The following SUGCT variants were observed in gnomAD, a reference collection of about 807,000 sequenced individuals.
SUGCT encodes succinyl-CoA:glutarate CoA-transferase.
A neutral mutation model predicts 55.0 loss-of-function variants in SUGCT; 41 were observed. That is an observed-to-expected ratio of 0.74 (90% CI 0.58 to 0.97). SUGCT has a LOEUF of 0.97. SUGCT is among the 50% of genes least tolerant of loss of function. SUGCT has a pLI of 0.00. For missense variants in SUGCT, 568 were observed against 547.8 expected (o/e 1.04, Z -0.37); for synonymous variants, 187 against 200.4 (o/e 0.93, Z 0.56).
intron 8 of SUGCT, among the ~76,000 whole-genome samples, chr7:40,279,792 G>A (rs1792831698): frequency 1.3e-5 from 2 of 151,948 alleles, no homozygotes; most frequent in Admixed American, 6.6e-5. Flanking sequence ...TGTAAATAAG[G>A]AGTGCTATTT....
chr7:40,838,461 C>T (rs762757359), intron 13 of SUGCT, among the ~76,000 whole-genome samples: 1 of 152,160 alleles, frequency 6.6e-6, no homozygotes, highest in Non-Finnish European at 1.5e-5. Context: ...TAATGTTCAG[C>T]ATACTTAAAA....
chr7:40,729,053 A>G (rs1786754468), intron 12 of SUGCT, among the ~76,000 whole-genome samples: 1 of 152,218 alleles, frequency 6.6e-6, no homozygotes, highest in African/African-American at 2.4e-5. Context: ...TCTAGAGCCT[A>G]CAGTCAGACA....
At chr7:40,426,767 A>G (rs2151379939) in intron 9 of SUGCT, among the ~76,000 whole-genome samples, 1 of 152,194 alleles carries the variant, frequency 6.6e-6, no homozygotes, top group South Asian at 2.1e-4. Flanking sequence ...GAAGTAGAAA[A>G]GAATATATAT....
chr7:40,927,159 G>A, the SUGCT span, among the ~76,000 whole-genome samples: 1 of 152,176 alleles, frequency 6.6e-6, no homozygotes, highest in Non-Finnish European at 1.5e-5. Context: ...TCTAAGATAT[G>A]CAAAGGAAAA....
intron 13 of SUGCT, among the ~76,000 whole-genome samples, chr7:40,756,361 A>G (rs1392114125): frequency 2.6e-5 from 4 of 152,204 alleles, no homozygotes; most frequent in Non-Finnish European, 4.4e-5. Context: ...TGGACTGGCT[A>G]CCTGCAGAAG....
At chr7:40,258,194 G>T (rs187435552) in intron 7 of SUGCT, among the ~76,000 whole-genome samples, 63 of 152,132 alleles carry the variant, frequency 4.1e-4, no homozygotes, top group African/African-American at 1.4e-3. Context: ...GACTCTTACA[G>T]TTTTCTTCTT....
chr7:40,206,912 A>G (rs1409457770), intron 6 of SUGCT, among the ~76,000 whole-genome samples: 1 of 152,200 alleles, frequency 6.6e-6, no homozygotes, highest in Non-Finnish European at 1.5e-5. Flanking sequence ...AAGAAAGACT[A>G]GTCTGGTCAG....
At chr7:40,451,632 C>T (rs1000727286) in intron 10 of SUGCT, among the ~76,000 whole-genome samples, 17 of 152,270 alleles carry the variant, frequency 1.1e-4, no homozygotes, top group Middle Eastern at 3.4e-3. Context: ...TTTATGTGTA[C>T]GGGATTCTTG....
rs139549528 is a variant in SUGCT, at chr7:40,811,705, G to A, written c.1154-48611G>A. 7.4e-4 allele frequency among the ~76,000 whole-genome samples: 112 copies of A among 152,040 alleles called. 1 individual carries two copies. The highest frequency in any genetic ancestry group is 2.6e-3 in the African/African-American group (108 of 41,464). On this transcript the variant is annotated intron_variant, in intron 13 of 13. Transcript: ENST00000335693. The stretch of plus-strand genomic sequence containing the variant: ...GGTTTTCTAGGTGTAGAATCATACC[G>A]TCCTTAAAGAGAGATAGTTTGACTA...
intron 12 of SUGCT, among the ~76,000 whole-genome samples, chr7:40,613,961 T>C (rs1258064924): frequency 6.6e-6 from 1 of 152,200 alleles, no homozygotes. Context: ...ACAGTTTGAA[T>C]TTTATTTTCA....
At chr7:40,440,145 G>GTTTTTTTTTTTTTTTTTTTTT (rs138984553) in intron 9 of SUGCT, among the ~76,000 whole-genome samples, 1 of 68,438 alleles carries the variant, frequency 1.5e-5, no homozygotes, top group African/African-American at 6.7e-5. Flanking sequence ...GTGTGTGTGT[G>GTTTTTTTTTTTTTTTTTTTTT]TTTTTTTTTT....
At chr7:40,219,122 C>T (rs532005939) in intron 6 of SUGCT, among the ~76,000 whole-genome samples, 4 of 152,250 alleles carry the variant, frequency 2.6e-5, no homozygotes, top group South Asian at 2.1e-4. Context: ...ACTCTGGACG[C>T]GCCACCTTTA....
intron 9 of SUGCT, among the ~76,000 whole-genome samples, chr7:40,371,252 C>T (rs1784282850): frequency 6.6e-6 from 1 of 152,040 alleles, no homozygotes; most frequent in Non-Finnish European, 1.5e-5. Context: ...TCAGTGACTA[C>T]AAAAGTTAAA....
At chr7:40,217,681 A>T (rs1562585160) in intron 6 of SUGCT, among the ~76,000 whole-genome samples, 1 of 152,168 alleles carries the variant, frequency 6.6e-6, no homozygotes, top group African/African-American at 2.4e-5. Context: ...AGTGGATGGG[A>T]CTGATGGAAA....
At position 40,287,639 on chromosome 7, in the gene SUGCT, C is replaced by T. The variant is rs116773067; in HGVS notation, c.720+12983C>T. Among the ~76,000 whole-genome samples, 539 of 152,056 alleles carry T rather than the reference C, an allele frequency of 3.5e-3. 3 individuals are homozygous for T. Among genetic ancestry groups the T allele is most frequent in the African/African-American group, 0.012 (495 of 41,482 alleles). Reference sequence around the variant, plus strand: ...AGCCCCCTGAGTGGCTTGGACTACACGCATATGCCATCATGCTCAGCTAAA... The same window carrying T: ...AGCCCCCTGAGTGGCTTGGACTACATGCATATGCCATCATGCTCAGCTAAA... On this transcript the variant is annotated intron_variant, in intron 8 of 13. Coordinates refer to ENST00000335693, the MANE Select transcript of SUGCT (RefSeq NM_001193313.2).
intron 9 of SUGCT, among the ~76,000 whole-genome samples, chr7:40,399,876 A>T (rs946142414): frequency 1.3e-5 from 2 of 151,986 alleles, no homozygotes; most frequent in African/African-American, 4.8e-5. Flanking sequence ...GGGTTTTTTT[A>T]AAAAATAGAT....
the SUGCT span, among the ~76,000 whole-genome samples, chr7:40,904,997 C>A: frequency 6.6e-6 from 1 of 152,124 alleles, no homozygotes; most frequent in Non-Finnish European, 1.5e-5. Flanking sequence ...TAAATAGTTT[C>A]ATTACTTTCA....
the SUGCT span, among the ~76,000 whole-genome samples, chr7:41,018,227 A>G: frequency 2.0e-5 from 3 of 152,102 alleles, no homozygotes; most frequent in African/African-American, 4.8e-5. Flanking sequence ...GTCATAGGAA[A>G]TGCAATCAAA....
intron 12 of SUGCT, among the ~76,000 whole-genome samples, chr7:40,717,143 A>G (rs1363678886): frequency 6.6e-6 from 1 of 152,206 alleles, no homozygotes; most frequent in African/African-American, 2.4e-5. Flanking sequence ...TGAGGAAATA[A>G]TCAAGAATAC....
Sources: gnomAD v4.1 joint callset for allele counts (sites outside exome capture counted in the v4.1 genomes callset) on GRCh38, gnomAD v4.1.1 for gene constraint, MANE v1.5 for transcripts, NCBI Gene and HGNC (gene_info 2026-07-23, HGNC 2026-07-21) for gene names.